The following ITGA9 variants were observed in gnomAD, a reference collection of about 807,000 sequenced individuals.
The protein encoded by ITGA9 is integrin alpha-9.
A neutral mutation model predicts 127.8 loss-of-function variants in ITGA9; 56 were observed. That is an observed-to-expected ratio of 0.44 (90% CI 0.35 to 0.55). The LOEUF (loss-of-function observed/expected upper bound fraction) is 0.55. Ranked by LOEUF, ITGA9 falls within the 20% of genes least tolerant of loss-of-function variation. The pLI is 0.00. For synonymous variants in ITGA9, 508 were observed against 514.5 expected, an observed-to-expected ratio of 0.99 and a Z score of 0.17; for missense variants, 1,196 against 1,347.1, an observed-to-expected ratio of 0.89 and a Z score of 1.76.
At chr3:37,777,037 C>T (rs1696916594) in intron 23 of ITGA9, among the ~76,000 whole-genome samples, 1 of 152,166 alleles carries the variant, frequency 6.6e-6, no homozygotes, top group Non-Finnish European at 1.5e-5. Context: ...TCTCATTTTC[C>T]TCATTCAGAC....
chr3:37,732,024 A>T (rs1696298517), intron 18 of ITGA9, among the ~76,000 whole-genome samples: 1 of 151,948 alleles, frequency 6.6e-6, no homozygotes, highest in African/African-American at 2.4e-5. Context: ...GCTTTCAGTG[A>T]CTCTGAGAAG....
At chr3:37,791,324 C>T (rs1051176977) in intron 26 of ITGA9, among the ~76,000 whole-genome samples, 2 of 151,734 alleles carry the variant, frequency 1.3e-5, no homozygotes, top group African/African-American at 2.4e-5. Flanking sequence ...ACAGATGAGT[C>T]GGTAAGCTGC....
At chr3:37,756,991 A>C (rs1215333681) in intron 23 of ITGA9, among the ~76,000 whole-genome samples, 1 of 152,098 alleles carries the variant, frequency 6.6e-6, no homozygotes, top group Non-Finnish European at 1.5e-5. Flanking sequence ...GCGGTTGTTC[A>C]TATCAAAACC....
At chr3:37,641,195 G>A (rs906880876) in intron 16 of ITGA9, among the ~76,000 whole-genome samples, 11 of 152,152 alleles carry the variant, frequency 7.2e-5, no homozygotes, top group South Asian at 6.2e-4. Context: ...GAGTGTTACC[G>A]CCTGAGCGCC....
intron 23 of ITGA9, among the ~76,000 whole-genome samples, chr3:37,752,109 A>G (rs1196975729): frequency 6.6e-6 from 1 of 152,220 alleles, no homozygotes; most frequent in Non-Finnish European, 1.5e-5. Context: ...AGAGGCCCAC[A>G]GCTGGCACAC....
chr3:37,812,609 A>G (rs1358668154), intron 27 of ITGA9, among the ~76,000 whole-genome samples: 1 of 152,244 alleles, frequency 6.6e-6, no homozygotes, highest in Admixed American at 6.5e-5. Context: ...AAAATTGTGT[A>G]TGTCTGTTAC....
chr3:37,635,486 G>A (rs1201500854), intron 16 of ITGA9, among the ~76,000 whole-genome samples: 2 of 152,152 alleles, frequency 1.3e-5, no homozygotes, highest in African/African-American at 2.4e-5. Flanking sequence ...CATCAGTAGA[G>A]CAACACTTCC....
intron 13 of ITGA9, among the ~76,000 whole-genome samples, chr3:37,531,137 G>T (rs1052188367): frequency 5.6e-5 from 6 of 106,402 alleles, no homozygotes; most frequent in Non-Finnish European, 1.2e-4. Context: ...TCAGAGGCTG[G>T]CACATTTGTA....
At chr3:37,729,687 A>G (rs778900738) in intron 18 of ITGA9, among the ~76,000 whole-genome samples, 2 of 148,334 alleles carry the variant, frequency 1.3e-5, no homozygotes, top group Non-Finnish European at 3.0e-5. Flanking sequence ...GGGGCAATAA[A>G]TCTTTTTGAT....
At chr3:37,551,813 C>G (rs1170265991) in intron 15 of ITGA9, among the ~76,000 whole-genome samples, 2 of 152,364 alleles carry the variant, frequency 1.3e-5, no homozygotes, top group East Asian at 3.9e-4. Flanking sequence ...AAAGCCCTTG[C>G]CATCTCTATC....
At chr3:37,592,548 G>A (rs904434223) in intron 15 of ITGA9, among the ~76,000 whole-genome samples, 1 of 152,222 alleles carries the variant, frequency 6.6e-6, no homozygotes, top group Non-Finnish European at 1.5e-5. Flanking sequence ...CGGCCTCAGA[G>A]GAGGCTGGGA....
intron 18 of ITGA9, among the ~76,000 whole-genome samples, chr3:37,688,187 G>GC (rs1400339525): frequency 6.6e-6 from 1 of 152,190 alleles, no homozygotes; most frequent in African/African-American, 2.4e-5. Context: ...ACCTGGAGGG[G>GC]CATGGCTTCA....
intron 15 of ITGA9, among the ~76,000 whole-genome samples, chr3:37,583,043 C>T (rs1037939039): frequency 4.6e-5 from 7 of 152,136 alleles, no homozygotes; most frequent in Admixed American, 6.5e-5. Context: ...ACTAGTGGCC[C>T]GCAGGCTGAG....
At chr3:37,813,781 CAATTCTGACACTT>C (rs1440592898) in intron 27 of ITGA9, among the ~76,000 whole-genome samples, 1 of 152,160 alleles carries the variant, frequency 6.6e-6, no homozygotes, top group Admixed American at 6.5e-5. Flanking sequence ...AGCAAGTCCT[CAATTCTGACACTT>C]ATTATAAGAC....
intron 15 of ITGA9, among the ~76,000 whole-genome samples, chr3:37,602,355 CTG>C (rs1205772398): frequency 1.3e-5 from 2 of 152,130 alleles, no homozygotes; most frequent in East Asian, 3.9e-4. Context: ...AAGGCAGTAA[CTG>C]TTTTATGAAT....
At chr3:37,805,445 G>A (rs1697284004) in intron 27 of ITGA9, among the ~76,000 whole-genome samples, 1 of 152,096 alleles carries the variant, frequency 6.6e-6, no homozygotes, top group South Asian at 2.1e-4. Flanking sequence ...CACGTTTCCA[G>A]CACATCTTAA....
rs548135054 is a variant in ITGA9, at chr3:37,728,268, A to G, written c.2068-4444A>G. 2.6e-5 allele frequency among the ~76,000 whole-genome samples: 4 copies of G among 152,372 alleles called. No homozygotes were observed. The South Asian group carries it at 8.3e-4, about 32-fold the overall frequency. ...GGATACCAAGTGCCTGGCAGAAGTC[A>G]TAGGCAACTCCCAACCAGAGCGCTC... On this transcript the variant is annotated intron_variant, in intron 18 of 27. Coordinates refer to ENST00000264741, the MANE Select transcript of ITGA9 (RefSeq NM_002207.3).
intron 5 of ITGA9, among the ~76,000 whole-genome samples, chr3:37,502,924 A>G (rs1353715489): frequency 3.3e-5 from 5 of 152,230 alleles, no homozygotes; most frequent in African/African-American, 9.6e-5. Context: ...CGTGGATAGA[A>G]TAGGGGCCTG....
At chr3:37,605,925 G>A (rs1320759878) in intron 15 of ITGA9, among the ~76,000 whole-genome samples, 1 of 152,030 alleles carries the variant, frequency 6.6e-6, no homozygotes, top group Non-Finnish European at 1.5e-5. Context: ...CCATCTGTAG[G>A]TGGTGCATGA....
Sources: gnomAD v4.1 joint callset for allele counts (sites outside exome capture counted in the v4.1 genomes callset) on GRCh38, gnomAD v4.1.1 for gene constraint, MANE v1.5 for transcripts, NCBI Gene and HGNC (gene_info 2026-07-23, HGNC 2026-07-21) for gene names.